The following DMD variants were observed in gnomAD, a reference collection of about 807,000 sequenced individuals.
DMD encodes dystrophin.
DMD carries 63 observed loss-of-function variants against 330.1 expected under a neutral mutation model. That is an observed-to-expected ratio of 0.19 (90% CI 0.16 to 0.24). The LOEUF (loss-of-function observed/expected upper bound fraction) is 0.24, where lower values mean the gene tolerates loss of function less well. DMD is among the 10% of genes least tolerant of loss of function. The probability of loss-of-function intolerance (pLI) is 1.00; values close to 1 mark genes in which losing one functional copy is unlikely to be tolerated. For missense variants in DMD, 3,344 were observed against 2,684.1 expected, an observed-to-expected ratio of 1.25 and a Z score of -5.43; for synonymous variants, 1,223 against 959.8, an observed-to-expected ratio of 1.27 and a Z score of -5.07.
At chrX:32,773,129 C>A (rs207478228) in intron 7 of DMD, among the ~76,000 whole-genome samples, 1 of 112,149 alleles carries the variant, frequency 8.9e-6, no homozygotes, top group South Asian at 3.7e-4. Context: ...TTTGGGTGAT[C>A]AACACCTTTG....
intron 44 of DMD, among the ~76,000 whole-genome samples, chrX:32,035,951 C>T (rs1214521106): frequency 9.0e-6 from 1 of 111,383 alleles, no homozygotes; most frequent in Non-Finnish European, 1.9e-5. Context: ...ATGTAAGAGA[C>T]TGGAGGAAGA....
At chrX:32,294,038 C>G (rs1389099184) in intron 42 of DMD, among the ~76,000 whole-genome samples, 1 of 111,725 alleles carries the variant, frequency 9.0e-6, no homozygotes, top group Non-Finnish European at 1.9e-5. Flanking sequence ...GGTCAGGTAC[C>G]AGAAACGTGC....
chrX:31,192,724 G>A (rs1023216619), intron 67 of DMD, among the ~76,000 whole-genome samples: 24 of 112,035 alleles, frequency 2.1e-4, no homozygotes, highest in African/African-American at 5.8e-4. Context: ...TAAGGAAACA[G>A]CTTAAGATTA....
chrX:32,390,982 A>T (rs2097997953), intron 30 of DMD, among the ~76,000 whole-genome samples: 1 of 112,383 alleles, frequency 8.9e-6, no homozygotes, highest in Non-Finnish European at 1.9e-5. Flanking sequence ...TTAGATAACT[A>T]TAAAACATTT....
intron 2 of DMD, among the ~76,000 whole-genome samples, chrX:32,879,286 G>A (rs1021105365): frequency 1.1e-4 from 12 of 111,421 alleles, no homozygotes; most frequent in African/African-American, 2.0e-4. Flanking sequence ...GGGCCGCTGG[G>A]AAGCCTGTGG....
At chrX:33,201,151 G>A (rs928699048) in intron 1 of DMD, among the ~76,000 whole-genome samples, 4 of 110,076 alleles carry the variant, frequency 3.6e-5, no homozygotes, top group African/African-American at 1.3e-4. Context: ...GGCTGGTCTG[G>A]AATTCCTGAC....
intron 64 of DMD, among the ~76,000 whole-genome samples, chrX:31,221,200 C>A (rs1212285172): frequency 1.8e-5 from 2 of 111,447 alleles, no homozygotes; most frequent in East Asian, 5.6e-4. Context: ...CTCTGTTCCA[C>A]AGCAAGAATC....
rs1447055069 is a variant in DMD at position 32,386,434 on chromosome X, G to A, written c.4550C>T (p.Ser1517Phe). The part of the protein sequence containing the change: ...NLYKSLSEVK[S>F]EVEMVIKTGR... Reference sequence around the variant, plus strand: ...AGTCTTTATCACCATTTCCACTTCAGACTTCACTTCACTCAGACTTTTATA... The same window carrying A: ...AGTCTTTATCACCATTTCCACTTCAAACTTCACTTCACTCAGACTTTTATA... Residue 1517 changes from serine (S) to phenylalanine (F), a missense_variant, in exon 33 of 79, where the codon TCT becomes TTT. Transcript: ENST00000357033. 1.3e-5 allele frequency: 16 copies of A among 1,205,401 alleles called. No homozygotes were observed. Among genetic ancestry groups the A allele is most frequent in the Admixed American group, 2.2e-5 (1 of 45,426 alleles).
At chrX:31,470,894 C>T (rs768938063) in intron 59 of DMD, among the ~76,000 whole-genome samples, 1 of 112,296 alleles carries the variant, frequency 8.9e-6, no homozygotes, top group East Asian at 2.8e-4. Context: ...GTGGCTTTGC[C>T]GAGCTGCGGT....
chrX:32,252,211 A>C (rs895008743), intron 43 of DMD, among the ~76,000 whole-genome samples: 20 of 108,237 alleles, frequency 1.8e-4, no homozygotes, highest in African/African-American at 6.8e-4. Flanking sequence ...CCAACATCTC[A>C]AGACTTTGTT....
intron 37 of DMD, among the ~76,000 whole-genome samples, chrX:32,353,797 A>C (rs904810525): frequency 9.0e-6 from 1 of 111,372 alleles, no homozygotes; most frequent in African/African-American, 3.2e-5. Context: ...TGGACACATA[A>C]AGAAGAGACA....
intron 2 of DMD, among the ~76,000 whole-genome samples, chrX:32,866,064 C>G (rs1897702584): frequency 8.9e-6 from 1 of 112,516 alleles, no homozygotes; most frequent in Admixed American, 9.4e-5. Context: ...CACTTTTGCT[C>G]TCTTGTTCAT....
At position 31,877,625 on chromosome X, in the gene DMD, T is replaced by G. The variant is rs142047794; in HGVS notation, c.6913-2252A>C. On this transcript the variant is annotated intron_variant, in intron 47 of 78. Coordinates refer to ENST00000357033, the MANE Select transcript of DMD (RefSeq NM_004006.3). ...TTGTTCTCTTTGCTTGATTTGTGTT[T>G]TGTGAGTTCACATCCATAACTACAC... Among the ~76,000 whole-genome samples the G allele has an allele frequency of 9.5e-3, 1,051 of 110,591 alleles. 6 individuals are homozygous for G. The highest frequency in any genetic ancestry group is 0.015 in the Non-Finnish European group (781 of 52,811).
intron 55 of DMD, among the ~76,000 whole-genome samples, chrX:31,588,565 T>C (rs2076717688): frequency 8.9e-6 from 1 of 111,750 alleles, no homozygotes; most frequent in East Asian, 2.8e-4. Context: ...GTTTGGGCTG[T>C]GCTTTCCTTT....
chrX:31,251,870 G>A (rs986803397), intron 63 of DMD, among the ~76,000 whole-genome samples: 2 of 112,625 alleles, frequency 1.8e-5, no homozygotes, highest in African/African-American at 6.4e-5. Context: ...AGCTGCAGGT[G>A]TAACCTTAAT....
chrX:32,716,989 C>A (rs761312949), intron 7 of DMD, among the ~76,000 whole-genome samples: 2 of 110,611 alleles, frequency 1.8e-5, no homozygotes, highest in Non-Finnish European at 1.9e-5. Context: ...TATGTATGAG[C>A]AAAGAGATTA....
chrX:31,141,201 A>AAACAAC (rs34805586), intron 76 of DMD, among the ~76,000 whole-genome samples: 2,691 of 105,887 alleles, frequency 0.025, 63 homozygotes, highest in African/African-American at 0.079. Flanking sequence ...CACACAAAAG[A>AAACAAC]AACAACAACA....
intron 2 of DMD, among the ~76,000 whole-genome samples, chrX:32,968,649 G>A (rs1462460738): frequency 9.0e-6 from 1 of 111,122 alleles, no homozygotes; most frequent in African/African-American, 3.3e-5. Context: ...CAAAGTGATA[G>A]TATTAGGAGA....
intron 42 of DMD, among the ~76,000 whole-genome samples, chrX:32,294,450 C>T (rs1457082710): frequency 1.8e-5 from 2 of 111,792 alleles, no homozygotes; most frequent in African/African-American, 3.3e-5. Context: ...TGTATGTATA[C>T]TCTCTGAGGA....
Sources: allele counts gnomAD v4.1 joint callset (sites outside exome capture counted in the v4.1 genomes callset), GRCh38; gene constraint gnomAD v4.1.1; transcripts MANE v1.5; gene names NCBI Gene and HGNC (gene_info 2026-07-23, HGNC 2026-07-21).